ZDHHC17: variants seen among roughly 807,000 people sequenced by gnomAD.
ZDHHC17 encodes palmitoyltransferase ZDHHC17.
ZDHHC17 carries 40 observed loss-of-function variants against 90.3 expected under a neutral mutation model. The ratio of observed to expected loss-of-function variants is 0.44; its 90% CI spans 0.34 to 0.58. The LOEUF (loss-of-function observed/expected upper bound fraction) is 0.58, where lower values mean the gene tolerates loss of function less well. Ranked by LOEUF, ZDHHC17 falls within the 20% of genes least tolerant of loss-of-function variation. The pLI, the probability that ZDHHC17 is intolerant of heterozygous loss-of-function variation, is 0.01. For missense variants in ZDHHC17, 614 were observed against 780.8 expected, an observed-to-expected ratio of 0.79 and a Z score of 2.55; for synonymous variants, 235 against 252.4, an observed-to-expected ratio of 0.93 and a Z score of 0.65.
chr12:76,765,895 T>G (rs568371084), intron 1 of ZDHHC17, among the ~76,000 whole-genome samples: 3 of 151,940 alleles, frequency 2.0e-5, no homozygotes, highest in African/African-American at 7.2e-5. Context: ...GAAGAAGAGG[T>G]CTCCCTATGT....
At chr12:76,837,266 G>GTC (rs1953377298) in intron 10 of ZDHHC17, among the ~76,000 whole-genome samples, 1 of 152,146 alleles carries the variant, frequency 6.6e-6, no homozygotes, top group Non-Finnish European at 1.5e-5. Flanking sequence ...CTCTCAAGTA[G>GTC]CTAGGATTAC....
chr12:76,848,537 C>T, intron 15 of ZDHHC17, 147 bp downstream of exon 15: 2 of 926,840 alleles, frequency 2.2e-6, no homozygotes, highest in Admixed American at 3.1e-5. Context: ...CTACCTCACT[C>T]TTTTGCCCCT....
At chr12:76,764,523 CG>C in intron 1 of ZDHHC17, 194 bp downstream of exon 1, 2 of 595,452 alleles carry the variant, frequency 3.4e-6, no homozygotes, top group Non-Finnish European at 3.0e-6. Context: ...CGGGCCCGAC[CG>C]GGGCGGGCTC....
chr12:76,825,147 A>C (rs938700794), intron 8 of ZDHHC17, among the ~76,000 whole-genome samples: 1 of 152,150 alleles, frequency 6.6e-6, no homozygotes, highest in African/African-American at 2.4e-5. Context: ...TATCAAGGTT[A>C]GTTTCCTGGT....
chr12:76,807,212 C>T (rs1371892222), intron 3 of ZDHHC17, among the ~76,000 whole-genome samples: 1 of 152,186 alleles, frequency 6.6e-6, no homozygotes, highest in Non-Finnish European at 1.5e-5. Flanking sequence ...AGCGTTCGAG[C>T]ACTGTCAGCT....
At chr12:76,798,198 G>A (rs778326277) in intron 2 of ZDHHC17, among the ~76,000 whole-genome samples, 30 of 152,112 alleles carry the variant, frequency 2.0e-4, no homozygotes, top group Admixed American at 4.6e-4. Context: ...GAAATAAAAC[G>A]TAGTTAATGT....
intron 10 of ZDHHC17, among the ~76,000 whole-genome samples, chr12:76,837,320 G>A (rs1189290587): frequency 1.3e-5 from 2 of 152,062 alleles, no homozygotes; most frequent in East Asian, 3.9e-4. Context: ...TTTTAGTAGA[G>A]ACAGGGTCTA....
chr12:76,770,949 G>T (rs1166231125), intron 1 of ZDHHC17, among the ~76,000 whole-genome samples: 1 of 140,724 alleles, frequency 7.1e-6, no homozygotes, highest in South Asian at 2.2e-4. Context: ...AAAAAAAAAT[G>T]CAGTTTGCTT....
rs886811323 is a variant in ZDHHC17 at position 76,797,379 on chromosome 12, AT to A, written c.94-51del. The A allele has an allele frequency of 6.9e-5, 88 of 1,267,714 alleles. No individual in the cohort carries two copies. The African/African-American group carries it at 1.2e-3, about 18-fold the overall frequency. 78.5% of individuals were successfully genotyped at this position (1,267,714 alleles called of 1,614,324 possible). A position where few individuals can be genotyped will look rare whatever the true frequency, so the allele number is the denominator to read the frequency against. On this transcript the variant is annotated intron_variant, in intron 1 of 16. Coordinates refer to ENST00000426126, the MANE Select transcript of ZDHHC17 (RefSeq NM_015336.4). ...AAGCACTACTATAAAATATAGAAAT[AT>A]TTTCTGTACCTCTTTTTTCAATTCT...
intron 2 of ZDHHC17, among the ~76,000 whole-genome samples, chr12:76,801,542 T>C (rs1952889929): frequency 6.6e-6 from 1 of 151,856 alleles, no homozygotes; most frequent in Non-Finnish European, 1.5e-5. Flanking sequence ...TAGTCCCAGC[T>C]ACTCGGGAGG....
At chr12:76,825,764 G>T (rs561105212) in intron 8 of ZDHHC17, among the ~76,000 whole-genome samples, 124 of 152,138 alleles carry the variant, frequency 8.2e-4, no homozygotes, top group Non-Finnish European at 1.5e-3. Flanking sequence ...TAGCTTTTAG[G>T]AAGATAAATA....
rs764845543 is a variant in ZDHHC17, at chr12:76,764,206, G to A, written c.-31G>A. Reference sequence around the variant, plus strand: ...CGCGCTCGCCCTCCGCCTCGCCCGAGCCCCGGGAGGGTGAAACGCTTTCTC... The same window carrying A: ...CGCGCTCGCCCTCCGCCTCGCCCGAACCCCGGGAGGGTGAAACGCTTTCTC... On this transcript the variant is annotated 5_prime_UTR_variant, in exon 1 of 17. Transcript: ENST00000426126. 2.0e-6 allele frequency: 3 copies of A among 1,527,384 alleles called. No individual in the cohort carries two copies. The highest frequency in any genetic ancestry group is 2.4e-5 in the South Asian group (2 of 83,106). 94.6% of individuals were successfully genotyped at this position (1,527,384 alleles called of 1,614,324 possible).
chr12:76,801,201 T>C (rs1952883894), intron 2 of ZDHHC17, among the ~76,000 whole-genome samples: 1 of 151,624 alleles, frequency 6.6e-6, no homozygotes, highest in Admixed American at 6.6e-5. Context: ...TTGTTTTCTA[T>C]ATGCCATATA....
At chr12:76,831,216 A>C (rs1342498581) in intron 10 of ZDHHC17, among the ~76,000 whole-genome samples, 1 of 152,222 alleles carries the variant, frequency 6.6e-6, no homozygotes, top group South Asian at 2.1e-4. Flanking sequence ...TGACATGTAA[A>C]AAGTGCTAAA....
intron 1 of ZDHHC17, among the ~76,000 whole-genome samples, chr12:76,768,909 T>C (rs1372112391): frequency 6.6e-6 from 1 of 152,138 alleles, no homozygotes; most frequent in Non-Finnish European, 1.5e-5. Context: ...TGCCTTTTTT[T>C]CTCATTTTCG....
chr12:76,790,479 G>A (rs1421103815), intron 1 of ZDHHC17, among the ~76,000 whole-genome samples: 4 of 152,302 alleles, frequency 2.6e-5, no homozygotes, highest in Admixed American at 2.6e-4. Flanking sequence ...TTCAGCCTGG[G>A]TGACAGAGCG....
At chr12:76,846,205 C>G (rs1011078932) in intron 13 of ZDHHC17, 1 of 233,586 alleles carries the variant, frequency 4.3e-6, no homozygotes, top group Non-Finnish European at 8.3e-6. Context: ...AGACATGCCC[C>G]GGAGATTTTA....
intron 3 of ZDHHC17, among the ~76,000 whole-genome samples, chr12:76,807,638 A>G (rs1212486745): frequency 2.0e-5 from 3 of 152,190 alleles, no homozygotes; most frequent in African/African-American, 7.2e-5. Context: ...AGGATGCAGA[A>G]AAGTTCCCTC....
chr12:76,835,317 C>T lies in ZDHHC17; in HGVS notation c.1142-6665C>T, dbSNP rs544189338. 1.3e-3 allele frequency among the ~76,000 whole-genome samples: 194 copies of T among 152,250 alleles called. 4 individuals carry two copies. The highest frequency in any genetic ancestry group is 1.0e-2 in the Admixed American group (153 of 15,302). Reference sequence around the variant, plus strand: ...CTACCTGCTGTGGCCTCCCAAAGTGCTGGGATTACAGGCATGAGCTACCAT... The same window carrying T: ...CTACCTGCTGTGGCCTCCCAAAGTGTTGGGATTACAGGCATGAGCTACCAT... On this transcript the variant is annotated intron_variant, in intron 10 of 16. Transcript: ENST00000426126.
Sources: gnomAD v4.1 joint callset for allele counts (sites outside exome capture counted in the v4.1 genomes callset) on GRCh38, gnomAD v4.1.1 for gene constraint, MANE v1.5 for transcripts, NCBI Gene and HGNC (gene_info 2026-07-23, HGNC 2026-07-21) for gene names.